Variants in TENM3 observed in about 807,000 individuals in gnomAD.
TENM3 encodes the protein teneurin transmembrane protein 3.
A neutral mutation model predicts 255.1 loss-of-function variants in TENM3; 63 were observed. That is an observed-to-expected ratio of 0.25 (90% confidence interval 0.20 to 0.30). The LOEUF is 0.30. TENM3 is among the 10% of genes least tolerant of loss of function. The pLI, the probability that TENM3 is intolerant of heterozygous loss-of-function variation, is 1.00. For synonymous variants in TENM3, 1,306 were observed against 1,322.3 expected (o/e 0.99, Z 0.27); for missense variants, 2,929 against 3,461.1 (o/e 0.85, Z 3.86).
chr4:181,707,772 G>T, the TENM3 span, among the ~76,000 whole-genome samples: 17 of 152,238 alleles, frequency 1.1e-4, no homozygotes, highest in East Asian at 3.3e-3. Context: ...TTTAACCACT[G>T]TTATTAAGGA....
intron 3 of TENM3, among the ~76,000 whole-genome samples, chr4:182,363,639 G>T (rs1176411574): frequency 6.6e-6 from 1 of 151,920 alleles, no homozygotes; most frequent in East Asian, 1.9e-4. Flanking sequence ...GTATACAAAA[G>T]GTAACCATAA....
At chr4:181,570,815 A>C in the TENM3 span, among the ~76,000 whole-genome samples, 1 of 152,180 alleles carries the variant, frequency 6.6e-6, no homozygotes, top group African/African-American at 2.4e-5. Context: ...CATTTACTGG[A>C]GGCAACACCT....
chr4:182,282,834 G>T (rs1027293075), intron 1 of TENM3, among the ~76,000 whole-genome samples: 6 of 149,968 alleles, frequency 4.0e-5, no homozygotes, highest in African/African-American at 1.5e-4. Context: ...CAAAGGTTGT[G>T]GTGAGCCAAA....
intron 24 of TENM3, among the ~76,000 whole-genome samples, chr4:182,777,509 TTATGTG>T (rs1220778146): frequency 4.0e-4 from 48 of 120,144 alleles, no homozygotes; most frequent in Middle Eastern, 4.3e-3. Flanking sequence ...CATAATGTGT[TTATGTG>T]TGTGTGTGTG....
At chr4:181,958,233 T>C in the TENM3 span, among the ~76,000 whole-genome samples, 3 of 152,214 alleles carry the variant, frequency 2.0e-5, no homozygotes, top group Non-Finnish European at 2.9e-5. Flanking sequence ...TTTTCCAATA[T>C]AGGCAGTTGC....
At chr4:181,522,664 T>C in the TENM3 span, 1 of 616,010 alleles carries the variant, frequency 1.6e-6, no homozygotes, top group East Asian at 3.2e-5. Context: ...AGAACCAAAA[T>C]GCAGAATGAT....
At chr4:182,559,784 TAG>T (rs1474011473) in intron 3 of TENM3, among the ~76,000 whole-genome samples, 1 of 152,144 alleles carries the variant, frequency 6.6e-6, no homozygotes, top group Admixed American at 6.6e-5. Context: ...CTACATTCTA[TAG>T]AGAGTAACTA....
chr4:181,649,977 G>A, the TENM3 span, among the ~76,000 whole-genome samples: 1 of 152,158 alleles, frequency 6.6e-6, no homozygotes, highest in African/African-American at 2.4e-5. Flanking sequence ...ATCACTGGCT[G>A]AGGAATTTTG....
At chr4:181,825,860 C>T in the TENM3 span, among the ~76,000 whole-genome samples, 1 of 152,038 alleles carries the variant, frequency 6.6e-6, no homozygotes, top group Non-Finnish European at 1.5e-5. Context: ...ATGAAAAAAC[C>T]AATTCCTCCT....
chr4:182,175,997 T>A (rs1406581879), intron 1 of TENM3, among the ~76,000 whole-genome samples: 2 of 151,784 alleles, frequency 1.3e-5, no homozygotes, highest in South Asian at 4.2e-4. Context: ...TTGATCAACA[T>A]TAACTATGCC....
rs775323893 is a variant in TENM3 at position 182,679,770 on chromosome 4, T to C, written c.1431T>C (p.Leu477=). The C allele has an allele frequency of 1.2e-5, 19 of 1,613,826 alleles. No individual in the cohort carries two copies. The highest frequency in any genetic ancestry group is 3.3e-4 in the Middle Eastern group (2 of 6,070). The change falls in exon 8 of 28, where the codon CTT becomes CTC. Residue 477 remains leucine (L), a synonymous_variant. Coordinates refer to ENST00000511685, the MANE Select transcript of TENM3 (RefSeq NM_001080477.4). ...RAGRQARSVS[L]HEAGFIQYLD... is the part of the protein sequence containing the mutation. Reference sequence around the variant, plus strand: ...GGCGGCAGGCGAGATCCGTCAGCCTTCATGAGGCCGGCTTTATCCAGTACT... The same window carrying C: ...GGCGGCAGGCGAGATCCGTCAGCCTCCATGAGGCCGGCTTTATCCAGTACT...
At chr4:182,520,103 T>A (rs950780713) in intron 3 of TENM3, among the ~76,000 whole-genome samples, 3 of 152,052 alleles carry the variant, frequency 2.0e-5, no homozygotes, top group Non-Finnish European at 4.4e-5. Flanking sequence ...GATAATTTTT[T>A]AAAAATGAAA....
chr4:181,740,505 AAG>A, the TENM3 span, among the ~76,000 whole-genome samples: 2 of 152,148 alleles, frequency 1.3e-5, no homozygotes, highest in Non-Finnish European at 2.9e-5. Context: ...TAGTTTAAGA[AAG>A]TATTAAGTGA....
chr4:181,727,953 A>C, the TENM3 span, among the ~76,000 whole-genome samples: 1 of 152,214 alleles, frequency 6.6e-6, no homozygotes, highest in East Asian at 1.9e-4. Context: ...TATAAATCCT[A>C]GTAAATAAGA....
chr4:182,656,809 C>T (rs1753792758), intron 6 of TENM3, among the ~76,000 whole-genome samples: 1 of 152,178 alleles, frequency 6.6e-6, no homozygotes, highest in African/African-American at 2.4e-5. Context: ...TCCCTGCTTG[C>T]ATTTAAGTTA....
the TENM3 span, among the ~76,000 whole-genome samples, chr4:181,587,090 A>C: frequency 6.6e-6 from 1 of 152,190 alleles, no homozygotes; most frequent in Non-Finnish European, 1.5e-5. Context: ...TTTAACCAAC[A>C]AACCATACTT....
chr4:182,786,543 T>G (rs1765667310), intron 24 of TENM3, among the ~76,000 whole-genome samples: 4 of 134,024 alleles, frequency 3.0e-5, no homozygotes, highest in African/African-American at 6.0e-5. Flanking sequence ...GGTGACAGAG[T>G]GAGACCCCGT....
At chr4:182,140,588 A>C (rs569016652), upstream of TENM3, among the ~76,000 whole-genome samples, 1 of 152,214 alleles carries the variant, frequency 6.6e-6, no homozygotes, top group Admixed American at 6.5e-5. Flanking sequence ...GATGTCCACA[A>C]GTGTCCTTGG....
chr4:181,658,210 T>G, the TENM3 span, among the ~76,000 whole-genome samples: 3 of 152,210 alleles, frequency 2.0e-5, no homozygotes, highest in Non-Finnish European at 1.5e-5. Context: ...AGAATGTTGT[T>G]GTGTTTAATC....
Sources: gnomAD v4.1 joint callset for allele counts (sites outside exome capture counted in the v4.1 genomes callset) on GRCh38, gnomAD v4.1.1 for gene constraint, MANE v1.5 for transcripts, NCBI Gene and HGNC (gene_info 2026-07-23, HGNC 2026-07-21) for gene names.